The following ITGA8 variants were observed in gnomAD, a reference collection of about 807,000 sequenced individuals.
ITGA8 encodes the protein integrin alpha-8.
Under a neutral mutation model 142.3 loss-of-function variants are expected in ITGA8, and 91 were observed. The ratio of observed to expected loss-of-function variants is 0.64; its 90% CI spans 0.54 to 0.76. The LOEUF (loss-of-function observed/expected upper bound fraction) is 0.76, where lower values mean the gene tolerates loss of function less well. ITGA8 is among the 30% of genes least tolerant of loss of function. The probability of loss-of-function intolerance (pLI) is 0.00; values close to 1 mark genes in which losing one functional copy is unlikely to be tolerated. For missense variants in ITGA8, 1,406 were observed against 1,327.7 expected, an observed-to-expected ratio of 1.06 and a Z score of -0.92; for synonymous variants, 505 against 485.2, an observed-to-expected ratio of 1.04 and a Z score of -0.54.
intron 26 of ITGA8, 38 bp from the exon 27 acceptor site, chr10:15,548,606 T>C: frequency 7.5e-7 from 1 of 1,340,360 alleles, no homozygotes; most frequent in South Asian, 1.2e-5. Context: ...AGTCTTTAAA[T>C]CATGGTAGAG....
At chr10:15,524,733 A>G (rs1230983085) in intron 28 of ITGA8, among the ~76,000 whole-genome samples, 1 of 152,220 alleles carries the variant, frequency 6.6e-6, no homozygotes, top group African/African-American at 2.4e-5. Flanking sequence ...TTACAGGACC[A>G]AAGTTTCTTT....
intron 2 of ITGA8, among the ~76,000 whole-genome samples, chr10:15,700,876 A>G (rs1291385267): frequency 6.6e-6 from 1 of 152,080 alleles, no homozygotes; most frequent in East Asian, 1.9e-4. Flanking sequence ...AGTGCTTACC[A>G]CTATCTGAGA....
intron 27 of ITGA8, among the ~76,000 whole-genome samples, chr10:15,538,281 G>A (rs1289371484): frequency 6.6e-6 from 1 of 152,172 alleles, no homozygotes; most frequent in Non-Finnish European, 1.5e-5. Flanking sequence ...GGGAGGCCAA[G>A]GCAGGTGGAT....
At chr10:15,645,097 A>G (rs1401224276) in intron 12 of ITGA8, among the ~76,000 whole-genome samples, 25 of 149,930 alleles carry the variant, frequency 1.7e-4, no homozygotes, top group Non-Finnish European at 4.5e-5. Context: ...TGTCTCAAAA[A>G]AAAAAAAAAA....
intron 13 of ITGA8, among the ~76,000 whole-genome samples, chr10:15,630,883 T>C (rs1833673528): frequency 1.3e-5 from 2 of 152,064 alleles, no homozygotes; most frequent in Admixed American, 1.3e-4. Flanking sequence ...ACAGATGGTA[T>C]CTCATTATGG....
intron 18 of ITGA8, 51 bp downstream of exon 18, chr10:15,606,234 C>T: frequency 6.5e-7 from 1 of 1,528,186 alleles, no homozygotes; most frequent in Non-Finnish European, 9.0e-7. Context: ...GAGAACAACA[C>T]CCCAGAGAGC....
At chr10:15,642,621 A>T (rs1462706816) in intron 13 of ITGA8, among the ~76,000 whole-genome samples, 2 of 152,178 alleles carry the variant, frequency 1.3e-5, no homozygotes, top group African/African-American at 4.8e-5. Context: ...TGATTAGCAT[A>T]ATGTAACCTA....
chr10:15,712,097 G>A (rs1337689049), intron 2 of ITGA8, among the ~76,000 whole-genome samples: 5 of 152,124 alleles, frequency 3.3e-5, no homozygotes, highest in African/African-American at 9.7e-5. Context: ...TTTAATCTAT[G>A]TTAGGATTTC....
chr10:15,671,365 G>C (rs527532116), intron 8 of ITGA8, among the ~76,000 whole-genome samples: 2 of 152,076 alleles, frequency 1.3e-5, no homozygotes, highest in East Asian at 3.9e-4. Context: ...TGGGATTATG[G>C]CCCTAATATT....
At chr10:15,564,332 G>A (rs1032038926) in intron 25 of ITGA8, among the ~76,000 whole-genome samples, 13 of 152,134 alleles carry the variant, frequency 8.5e-5, no homozygotes, top group Non-Finnish European at 1.8e-4. Context: ...TGAACATTTG[G>A]AGCCTCTTTC....
chr10:15,605,760 T>C lies in ITGA8; in HGVS notation c.1934A>G (p.Asn645Ser). ...AHILVDCGED[N>S]LCVPDLKLSA... ...CAGCTTCAAGTCAGGAACACACAGA[T>C]TGTCTTCTCCACAGTCCACCAGAAT... The change falls in exon 19 of 30, where the codon AAT (asparagine) becomes AGT (serine). Residue 645 changes from asparagine (N) to serine (S), a missense_variant. Transcript: ENST00000378076. The C allele has an allele frequency of 6.2e-7, 1 of 1,613,584 alleles. No homozygotes were observed. The highest frequency in any genetic ancestry group is 8.5e-7 in the Non-Finnish European group (1 of 1,179,518).
At position 15,514,203 on chromosome 10, in the gene ITGA8, A is replaced by C. The variant is rs937831203; in HGVS notation, c.*2955T>G. 8 of 152,184 alleles carry C rather than the reference A, an allele frequency of 5.3e-5. No homozygotes were observed. Among genetic ancestry groups the C allele is most frequent in the Non-Finnish European group, 1.2e-4 (8 of 68,038 alleles). The allele number at this position is 152,184 out of a possible 1,614,324, so 9.4% of individuals were successfully genotyped here. On this transcript the variant is annotated 3_prime_UTR_variant, in exon 30 of 30. Coordinates refer to ENST00000378076, the MANE Select transcript of ITGA8 (RefSeq NM_003638.3). ...AAGGGAATTCTTTGAAGAGAAATAC[A>C]GATAGACCCTCAGAGGAGCACAGCA...
At chr10:15,612,915 C>G (rs138098399) in intron 15 of ITGA8, among the ~76,000 whole-genome samples, 1 of 152,340 alleles carries the variant, frequency 6.6e-6, no homozygotes, top group East Asian at 1.9e-4. Context: ...AATCCCAGGA[C>G]TTTGGGAGGC....
At chr10:15,630,728 A>G (rs1833670466) in intron 13 of ITGA8, among the ~76,000 whole-genome samples, 1 of 152,028 alleles carries the variant, frequency 6.6e-6, no homozygotes, top group African/African-American at 2.4e-5. Flanking sequence ...AAAGTGACAT[A>G]TTAAAAAACA....
chr10:15,660,795 G>T, intron 9 of ITGA8, 84 bp downstream of exon 9: 1 of 1,096,072 alleles, frequency 9.1e-7, no homozygotes, highest in Non-Finnish European at 1.4e-6. Context: ...TTCAATTTAT[G>T]ATGGGTTTAT....
At chr10:15,605,256 C>T (rs1052158028) in intron 19 of ITGA8, among the ~76,000 whole-genome samples, 5 of 152,170 alleles carry the variant, frequency 3.3e-5, no homozygotes, top group Admixed American at 3.3e-4. Flanking sequence ...GTGACACCTT[C>T]TGCTTTACTC....
At chr10:15,698,460 T>C (rs1835098100) in intron 2 of ITGA8, among the ~76,000 whole-genome samples, 4 of 152,152 alleles carry the variant, frequency 2.6e-5, no homozygotes, top group Admixed American at 2.6e-4. Flanking sequence ...TGGTAGATCT[T>C]CTTTTATTTC....
intron 7 of ITGA8, 57 bp downstream of exon 7, chr10:15,672,567 A>G (rs942206727): frequency 3.2e-6 from 5 of 1,554,860 alleles, no homozygotes; most frequent in African/African-American, 2.8e-5. Flanking sequence ...ACTTGCATCT[A>G]CATTTACTAT....
At chr10:15,669,420 C>T (rs551217343) in intron 8 of ITGA8, among the ~76,000 whole-genome samples, 3 of 152,168 alleles carry the variant, frequency 2.0e-5, no homozygotes, top group Non-Finnish European at 4.4e-5. Context: ...ATCCATTCAT[C>T]TAGTTTTTTT....
Sources: allele counts gnomAD v4.1 joint callset (sites outside exome capture counted in the v4.1 genomes callset), GRCh38; gene constraint gnomAD v4.1.1; transcripts MANE v1.5; gene names NCBI Gene and HGNC (gene_info 2026-07-23, HGNC 2026-07-21).